The following DMD variants were observed in gnomAD, a reference collection of about 807,000 sequenced individuals.
DMD encodes mutant dystrophin.
A neutral mutation model predicts 330.1 loss-of-function variants in DMD; 63 were observed. The observed-to-expected ratio is 0.19, with a 90% CI of 0.16 to 0.24. The LOEUF is 0.24. Among genes scored for constraint, DMD ranks in the 10% least tolerant of loss-of-function variants. DMD has a pLI of 1.00. For synonymous variants in DMD, 1,223 were observed against 959.8 expected, an observed-to-expected ratio of 1.27 and a Z score of -5.07; for missense variants, 3,344 against 2,684.1, an observed-to-expected ratio of 1.25 and a Z score of -5.43.
At chrX:32,687,762 G>A (rs1351850136) in intron 9 of DMD, among the ~76,000 whole-genome samples, 1 of 110,827 alleles carries the variant, frequency 9.0e-6, no homozygotes, top group African/African-American at 3.3e-5. Context: ...AAAAACGAAT[G>A]TTGTTTTTAT....
intron 61 of DMD, among the ~76,000 whole-genome samples, chrX:31,340,967 G>A (rs1356956227): frequency 2.7e-5 from 3 of 111,930 alleles, no homozygotes; most frequent in African/African-American, 9.7e-5. Flanking sequence ...CAACTATTGA[G>A]CCGTTCTAAT....
intron 2 of DMD, among the ~76,000 whole-genome samples, chrX:32,975,347 T>C (rs1477767927): frequency 4.3e-5 from 2 of 46,678 alleles, no homozygotes; most frequent in Non-Finnish European, 6.4e-5. Context: ...TAAAAAATGC[T>C]TTTTTTTTTT....
intron 30 of DMD, among the ~76,000 whole-genome samples, chrX:32,398,779 C>G (rs894379514): frequency 9.0e-6 from 1 of 111,279 alleles, no homozygotes; most frequent in South Asian, 3.8e-4. Context: ...CCCAGAATAG[C>G]CAAATATATC....
At chrX:32,193,650 G>GC (rs908019554) in intron 44 of DMD, among the ~76,000 whole-genome samples, 1 of 110,903 alleles carries the variant, frequency 9.0e-6, no homozygotes, top group Non-Finnish European at 1.9e-5. Context: ...ATTAGAGAGT[G>GC]CCTACTGCGT....
chrX:31,942,187 C>A (rs1037758768), intron 45 of DMD, among the ~76,000 whole-genome samples: 1 of 111,810 alleles, frequency 8.9e-6, no homozygotes, highest in African/African-American at 3.3e-5. Context: ...GCCTCACCAT[C>A]ATCTGTTGTT....
Position 32,885,761 on chromosome X carries a change from G to A in DMD, c.94-35941C>T, listed in dbSNP as rs186515352. ...ATAAAATGTAGAAGCGAAATTTGAG[G>A]GTTTAGAATATTTCAATAAAATATT... is the stretch of plus-strand genomic sequence containing the variant. On this transcript the variant is annotated intron_variant, in intron 2 of 78. Transcript: ENST00000357033. Among the ~76,000 whole-genome samples the A allele has an allele frequency of 6.0e-3, 616 of 102,833 alleles. 5 individuals are homozygous for A. Among genetic ancestry groups the A allele is most frequent in the Middle Eastern group, 0.011 (2 of 183 alleles). 89.3% of individuals were successfully genotyped at this position (102,833 alleles called of 115,157 possible).
rs955336037 is a variant in DMD, at chrX:32,075,506, T to G, written c.6439-106992A>C. Among the ~76,000 whole-genome samples, 63 of 111,748 alleles carry G rather than the reference T, an allele frequency of 5.6e-4. 1 individual carries two copies. The highest frequency in any genetic ancestry group is 1.9e-3 in the African/African-American group (57 of 30,734). The stretch of plus-strand genomic sequence containing the variant: ...GCAGATACTTATTTTTTGACAAAAC[T>G]TTAATGTGAAGTTATTACAACTGTC... On this transcript the variant is annotated intron_variant, in intron 44 of 78. Coordinates refer to ENST00000357033, the MANE Select transcript of DMD (RefSeq NM_004006.3).
At chrX:32,097,504 T>TG (rs1328773661) in intron 44 of DMD, among the ~76,000 whole-genome samples, 9 of 111,644 alleles carry the variant, frequency 8.1e-5, no homozygotes, top group Non-Finnish European at 1.5e-4. Flanking sequence ...CCATCACTGA[T>TG]GGGCATTTGG....
chrX:32,216,239 A>C, intron 44 of DMD, among the ~76,000 whole-genome samples: 1 of 112,102 alleles, frequency 8.9e-6, no homozygotes, highest in East Asian at 2.8e-4. Context: ...TTATGCCTAA[A>C]CTATGTAATT....
At chrX:32,097,078 GTTC>G (rs924039518) in intron 44 of DMD, among the ~76,000 whole-genome samples, 1 of 111,358 alleles carries the variant, frequency 9.0e-6, no homozygotes, top group Admixed American at 9.6e-5. Context: ...AGTATCTACA[GTTC>G]TTTTTTTAAA....
At chrX:31,422,888 G>A (rs2063518382) in intron 60 of DMD, among the ~76,000 whole-genome samples, 1 of 110,335 alleles carries the variant, frequency 9.1e-6, no homozygotes, top group African/African-American at 3.3e-5. Flanking sequence ...CAAGGCTATA[G>A]GTGGGAGTTC....
At chrX:31,817,250 C>T (rs1020100733) in intron 50 of DMD, among the ~76,000 whole-genome samples, 5 of 111,995 alleles carry the variant, frequency 4.5e-5, no homozygotes, top group African/African-American at 9.7e-5. Context: ...AATTCTATTA[C>T]ATTGTAATAC....
intron 44 of DMD, among the ~76,000 whole-genome samples, chrX:32,105,362 C>T (rs1194430640): frequency 1.8e-5 from 2 of 111,843 alleles, no homozygotes; most frequent in Non-Finnish European, 3.8e-5. Context: ...TCTTACAAAG[C>T]TTATATTAAC....
intron 55 of DMD, among the ~76,000 whole-genome samples, chrX:31,525,865 AAAC>A (rs757571020): frequency 8.9e-6 from 1 of 112,555 alleles, no homozygotes; most frequent in East Asian, 2.8e-4. Context: ...AACCTTCCTT[AAAC>A]CTTGGATAAA....
chrX:31,228,223 A>T (rs1265815093), intron 63 of DMD, among the ~76,000 whole-genome samples: 10 of 103,484 alleles, frequency 9.7e-5, no homozygotes, highest in Non-Finnish European at 1.8e-4. Context: ...AACCTGCACA[A>T]TGTGCACATG....
At chrX:32,711,619 A>G (rs1231250616) in intron 7 of DMD, among the ~76,000 whole-genome samples, 1 of 112,107 alleles carries the variant, frequency 8.9e-6, no homozygotes, top group Non-Finnish European at 1.9e-5. Flanking sequence ...CAAAAGCCAT[A>G]CATGCTTATT....
At chrX:32,594,005 G>A (rs1451868616) in intron 13 of DMD, among the ~76,000 whole-genome samples, 1 of 112,142 alleles carries the variant, frequency 8.9e-6, no homozygotes, top group Non-Finnish European at 1.9e-5. Flanking sequence ...CATAAGCTAT[G>A]TCATCTTTCA....
chrX:31,330,915 G>A (rs1234627178), intron 61 of DMD, among the ~76,000 whole-genome samples: 1 of 111,672 alleles, frequency 9.0e-6, no homozygotes, highest in Admixed American at 9.5e-5. Flanking sequence ...TTTTCAAAAC[G>A]TTAAATTAAA....
At chrX:31,517,918 AACACAC>A (rs372551324) in intron 55 of DMD, among the ~76,000 whole-genome samples, 4,387 of 89,545 alleles carry the variant, frequency 0.049, 225 homozygotes, top group African/African-American at 0.16. Context: ...CTGTGTTTCA[AACACAC>A]ACACACACAC....
Sources: allele counts gnomAD v4.1 joint callset (sites outside exome capture counted in the v4.1 genomes callset), GRCh38; gene constraint gnomAD v4.1.1; transcripts MANE v1.5; gene names NCBI Gene and HGNC (gene_info 2026-07-23, HGNC 2026-07-21).